Variants in SPATS2L observed in about 807,000 individuals in gnomAD.
The protein encoded by SPATS2L is spermatogenesis associated serine rich 2 like.
In SPATS2L, 30 loss-of-function variants were observed where a neutral mutation model predicts 59.6. The ratio of observed to expected loss-of-function variants is 0.50; its 90% CI spans 0.38 to 0.68. The LOEUF is 0.68. SPATS2L is among the 30% of genes least tolerant of loss of function. The pLI, the probability that SPATS2L is intolerant of heterozygous loss-of-function variation, is 0.00. For synonymous variants in SPATS2L, 252 were observed against 263.5 expected, an observed-to-expected ratio of 0.96 and a Z score of 0.42; for missense variants, 615 against 700.0, an observed-to-expected ratio of 0.88 and a Z score of 1.37.
At chr2:200,321,493 C>G (rs988615730) in intron 1 of SPATS2L, among the ~76,000 whole-genome samples, 1 of 152,170 alleles carries the variant, frequency 6.6e-6, no homozygotes, top group Non-Finnish European at 1.5e-5. Flanking sequence ...TGCAGGTTTT[C>G]TTTTCTGCTT....
At chr2:200,320,238 A>G (rs990238053) in intron 1 of SPATS2L, among the ~76,000 whole-genome samples, 7 of 152,194 alleles carry the variant, frequency 4.6e-5, no homozygotes, top group African/African-American at 1.4e-4. Context: ...GTAGAACTCT[A>G]TGATAAAGAA....
intron 6 of SPATS2L, among the ~76,000 whole-genome samples, chr2:200,438,075 A>G (rs763392384): frequency 1.1e-4 from 17 of 152,172 alleles, no homozygotes; most frequent in Non-Finnish European, 2.5e-4. Flanking sequence ...GTGTTAAAAT[A>G]TAAAACCGTG....
chr2:200,438,720 T>G (rs1198826327), intron 6 of SPATS2L, among the ~76,000 whole-genome samples: 3 of 152,206 alleles, frequency 2.0e-5, no homozygotes, highest in African/African-American at 7.2e-5. Flanking sequence ...ATAGGAGGGC[T>G]ACATTTTTAT....
intron 2 of SPATS2L, among the ~76,000 whole-genome samples, chr2:200,355,019 C>T (rs2080866549): frequency 1.3e-5 from 2 of 152,064 alleles, no homozygotes; most frequent in South Asian, 4.2e-4. Context: ...GTTGGATATA[C>T]GTACAATCCC....
At chr2:200,407,327 G>A (rs560831410) in intron 3 of SPATS2L, among the ~76,000 whole-genome samples, 3 of 152,146 alleles carry the variant, frequency 2.0e-5, no homozygotes, top group East Asian at 1.9e-4. Flanking sequence ...TAACTCCAGC[G>A]CTCCTTCCAT....
At chr2:200,419,578 G>A in intron 6 of SPATS2L, 82 bp downstream of exon 6, 1 of 1,502,738 alleles carries the variant, frequency 6.7e-7, no homozygotes, top group Admixed American at 1.9e-5. Context: ...TGCTGTTGAT[G>A]TTGTTGAAAA....
At chr2:200,447,486 A>G (rs1250369996) in intron 8 of SPATS2L, among the ~76,000 whole-genome samples, 5 of 152,242 alleles carry the variant, frequency 3.3e-5, no homozygotes, top group Non-Finnish European at 7.3e-5. Flanking sequence ...ACAGGTAAGC[A>G]TAGGAAAAAT....
intron 2 of SPATS2L, among the ~76,000 whole-genome samples, chr2:200,351,461 C>T (rs947238894): frequency 6.6e-6 from 1 of 151,974 alleles, no homozygotes; most frequent in Non-Finnish European, 1.5e-5. Flanking sequence ...TTTTGTTTTG[C>T]CGAGAACTAA....
chr2:200,426,678 G>C (rs1014845892), intron 6 of SPATS2L, among the ~76,000 whole-genome samples: 2 of 152,186 alleles, frequency 1.3e-5, no homozygotes, highest in Admixed American at 6.5e-5. Flanking sequence ...AGTAAGCCAT[G>C]ATCACACCAC....
chr2:200,428,153 C>T (rs1341368096), intron 6 of SPATS2L, among the ~76,000 whole-genome samples: 1 of 152,188 alleles, frequency 6.6e-6, no homozygotes, highest in Non-Finnish European at 1.5e-5. Flanking sequence ...CCTTTACTCC[C>T]TGTCTCCACT....
intron 2 of SPATS2L, among the ~76,000 whole-genome samples, chr2:200,358,018 A>G (rs1458204182): frequency 1.3e-5 from 2 of 152,178 alleles, no homozygotes; most frequent in African/African-American, 4.8e-5. Flanking sequence ...TCACTTGCCA[A>G]ACATTCCTGT....
chr2:200,363,913 G>T (rs971435787), intron 2 of SPATS2L, among the ~76,000 whole-genome samples: 1 of 152,222 alleles, frequency 6.6e-6, no homozygotes, highest in African/African-American at 2.4e-5. Flanking sequence ...ACTCACTTCA[G>T]TGTTAGTATT....
At chr2:200,444,587 A>G (rs1300430503) in intron 8 of SPATS2L, among the ~76,000 whole-genome samples, 1 of 142,086 alleles carries the variant, frequency 7.0e-6, no homozygotes, top group Admixed American at 7.4e-5. Flanking sequence ...GGAAAGGGAA[A>G]TCTGTGAAAG....
At chr2:200,370,535 G>A (rs2081395796) in intron 2 of SPATS2L, among the ~76,000 whole-genome samples, 1 of 152,122 alleles carries the variant, frequency 6.6e-6, no homozygotes, top group Non-Finnish European at 1.5e-5. Context: ...TTCTATTCCA[G>A]ATCTCTCTTT....
intron 8 of SPATS2L, among the ~76,000 whole-genome samples, chr2:200,458,140 A>G (rs988494561): frequency 6.6e-6 from 1 of 152,222 alleles, no homozygotes; most frequent in Admixed American, 6.5e-5. Flanking sequence ...TACCTTACCT[A>G]TGCAAACTAT....
intron 1 of SPATS2L, among the ~76,000 whole-genome samples, chr2:200,325,228 G>T (rs181088871): frequency 5.2e-4 from 79 of 152,170 alleles, no homozygotes; most frequent in African/African-American, 1.7e-3. Flanking sequence ...TATTTTTATT[G>T]TGATAGCTGT....
rs1201566070 is a variant in SPATS2L, at chr2:200,477,854, G to A, written c.1500G>A (p.Glu500=). The A allele has an allele frequency of 8.8e-6, 14 of 1,591,966 alleles. No individual in the cohort carries two copies. The highest frequency in any genetic ancestry group is 1.1e-5 in the South Asian group (1 of 88,262). ...QEASLGMKTP[E]APAHSEKPRR... is the part of the protein sequence containing the mutation. ...CTTCCTTGGGGATGAAGACCCCCGA[G>A]GCCCCGGCCCATTCTGAAAAGCCCC... Residue 500 remains glutamate, a synonymous_variant, in exon 13 of 13, where the codon GAG becomes GAA. Coordinates refer to ENST00000409140, the MANE Select transcript of SPATS2L (RefSeq NM_001100423.2).
intron 2 of SPATS2L, among the ~76,000 whole-genome samples, chr2:200,359,778 T>A (rs1407005497): frequency 6.6e-6 from 1 of 152,250 alleles, no homozygotes; most frequent in African/African-American, 2.4e-5. Flanking sequence ...ACTGAGCATC[T>A]TCTGCAAATG....
chr2:200,401,321 G>A (rs191637153), intron 3 of SPATS2L, among the ~76,000 whole-genome samples: 89 of 151,858 alleles, frequency 5.9e-4, no homozygotes, highest in African/African-American at 2.2e-3. Context: ...CTAAGCCACA[G>A]AAATAGTGAA....
Sources: gnomAD v4.1 joint callset for allele counts (sites outside exome capture counted in the v4.1 genomes callset) on GRCh38, gnomAD v4.1.1 for gene constraint, MANE v1.5 for transcripts, NCBI Gene and HGNC (gene_info 2026-07-23, HGNC 2026-07-21) for gene names.